STAB2: variants seen among roughly 807,000 people sequenced by gnomAD.
STAB2 encodes stabilin-2.
In STAB2, 288 loss-of-function variants were observed where a neutral mutation model predicts 338.1. The ratio of observed to expected loss-of-function variants is 0.85; its 90% CI spans 0.77 to 0.94. The LOEUF is 0.94. Among genes scored for constraint, STAB2 ranks in the 40% least tolerant of loss-of-function variants. The pLI is 0.00. For synonymous variants in STAB2, 1,202 were observed against 1,193.3 expected (o/e 1.01, Z -0.15); for missense variants, 3,141 against 3,210.1 (o/e 0.98, Z 0.52).
intron 30 of STAB2, among the ~76,000 whole-genome samples, chr12:103,692,593 GTC>G (rs1030150858): frequency 1.2e-4 from 18 of 149,676 alleles, no homozygotes; most frequent in East Asian, 4.0e-4. Flanking sequence ...CTCTCTCTCT[GTC>G]TCTGTGTGTG....
chr12:103,599,394 G>A (rs1409763781), intron 3 of STAB2, among the ~76,000 whole-genome samples: 1 of 152,158 alleles, frequency 6.6e-6, no homozygotes, highest in East Asian at 1.9e-4. Flanking sequence ...TCTGCCTGGG[G>A]TTGGTTCCAT....
intron 3 of STAB2, among the ~76,000 whole-genome samples, chr12:103,601,724 A>G (rs1956957317): frequency 6.6e-6 from 1 of 152,232 alleles, no homozygotes; most frequent in Non-Finnish European, 1.5e-5. Flanking sequence ...AACTATATTA[A>G]AACATTCAAA....
In STAB2 at chr12:103,662,520, C is replaced by T. The variant is rs966074523; in HGVS notation, c.1870-326C>T. ...TTCAAATGAATGGATCCCTATTTCACCAGAGAGAGGTCAAAGAATTTGCGC... is the reference window on the plus strand; with the variant it reads ...TTCAAATGAATGGATCCCTATTTCATCAGAGAGAGGTCAAAGAATTTGCGC... On this transcript the variant is annotated intron_variant, in intron 17 of 68. Transcript: ENST00000388887. Among the ~76,000 whole-genome samples the T allele has an allele frequency of 3.9e-5, 6 of 152,186 alleles. No individual in the cohort carries two copies. In the East Asian group the frequency reaches 9.6e-4, roughly 24 times the overall value.
At chr12:103,690,772 T>G (rs1252339749) in intron 30 of STAB2, among the ~76,000 whole-genome samples, 1 of 152,208 alleles carries the variant, frequency 6.6e-6, no homozygotes, top group Non-Finnish European at 1.5e-5. Flanking sequence ...GCCCACTGAT[T>G]GGCCACAAGT....
At chr12:103,708,975 G>C (rs1005098406) in intron 39 of STAB2, among the ~76,000 whole-genome samples, 7 of 152,110 alleles carry the variant, frequency 4.6e-5, no homozygotes, top group Non-Finnish European at 8.8e-5. Flanking sequence ...CTCAAACACT[G>C]CTACAATAAC....
intron 51 of STAB2, among the ~76,000 whole-genome samples, chr12:103,734,320 T>C (rs952462912): frequency 1.3e-5 from 2 of 150,870 alleles, no homozygotes; most frequent in African/African-American, 4.9e-5. Context: ...CGCGATCATA[T>C]GGGAGCAAGC....
chr12:103,765,282 T>G (rs755138591), intron 68 of STAB2, among the ~76,000 whole-genome samples: 6 of 152,162 alleles, frequency 3.9e-5, no homozygotes, highest in Middle Eastern at 3.4e-3. Flanking sequence ...CATGAAAGAT[T>G]TACCTGAGGC....
At chr12:103,703,086 C>A (rs1879045214) in intron 34 of STAB2, 62 bp from the exon 35 acceptor site, 4 of 1,561,730 alleles carry the variant, frequency 2.6e-6, no homozygotes, top group South Asian at 1.2e-5. Context: ...ACCTCCACTT[C>A]CTATCTTTTC....
At chr12:103,627,068 A>T (rs189978338) in intron 5 of STAB2, among the ~76,000 whole-genome samples, 1 of 152,240 alleles carries the variant, frequency 6.6e-6, no homozygotes, top group African/African-American at 2.4e-5. Flanking sequence ...CCTCACTATG[A>T]CTCTCCAAAG....
chr12:103,763,426 C>A, intron 67 of STAB2, 66 bp from the exon 68 acceptor site: 3 of 1,467,252 alleles, frequency 2.0e-6, no homozygotes, highest in Non-Finnish European at 2.8e-6. Context: ...GCTTTACCTG[C>A]CAACTTGGCT....
At chr12:103,701,977 T>TACACACACACACACACAC (rs71097990) in intron 34 of STAB2, among the ~76,000 whole-genome samples, 3 of 144,034 alleles carry the variant, frequency 2.1e-5, no homozygotes, top group Middle Eastern at 3.5e-3. Context: ...TCAGCCCTGC[T>TACACACACACACACACAC]ACACACACAC....
At chr12:103,765,842 GA>G (rs1236156338) in intron 68 of STAB2, among the ~76,000 whole-genome samples, 1 of 152,120 alleles carries the variant, frequency 6.6e-6, no homozygotes, top group Non-Finnish European at 1.5e-5. Flanking sequence ...ATGCCCGGCT[GA>G]GCGGGGTTTC....
At chr12:103,731,467 T>G (rs1443332776) in intron 49 of STAB2, 109 bp from the exon 50 acceptor site, 1 of 1,085,732 alleles carries the variant, frequency 9.2e-7, no homozygotes, top group Non-Finnish European at 1.3e-6. Flanking sequence ...AGCCCATCTA[T>G]GTATCCGTCA....
intron 11 of STAB2, among the ~76,000 whole-genome samples, chr12:103,651,124 G>A (rs59428471): frequency 0.015 from 2,332 of 152,192 alleles, 74 homozygotes; most frequent in African/African-American, 0.054. Context: ...TGGTGGAGGC[G>A]TCCTATCGAG....
chr12:103,609,452 G>A (rs1057490985), intron 3 of STAB2, among the ~76,000 whole-genome samples: 1 of 152,162 alleles, frequency 6.6e-6, no homozygotes, highest in Admixed American at 6.5e-5. Context: ...TGAAGCAATT[G>A]TGAATGGGAG....
chr12:103,761,600 G>A (rs1884546178), intron 66 of STAB2, among the ~76,000 whole-genome samples, 190 bp downstream of exon 66: 1 of 151,944 alleles, frequency 6.6e-6, no homozygotes, highest in South Asian at 2.1e-4. Flanking sequence ...CCACTCCCAA[G>A]CATTAGCAAC....
intron 43 of STAB2, among the ~76,000 whole-genome samples, chr12:103,717,527 C>T (rs1880415249): frequency 1.3e-5 from 2 of 152,204 alleles, no homozygotes; most frequent in African/African-American, 2.4e-5. Flanking sequence ...AGAAAAAAAA[C>T]GGTATCTTAG....
intron 2 of STAB2, among the ~76,000 whole-genome samples, chr12:103,591,907 T>G (rs1956804029): frequency 6.6e-6 from 1 of 152,234 alleles, no homozygotes; most frequent in Non-Finnish European, 1.5e-5. Context: ...AGAAATTAGA[T>G]AGTACTCAAT....
Position 103,713,652 on chromosome 12 carries a change from C to T in STAB2, c.4421C>T (p.Ala1474Val). Residue 1474 changes from alanine to valine, a missense_variant, in exon 42 of 69, where the codon GCC becomes GTC. Transcript: ENST00000388887. Reference protein sequence around the residue: ...GNGTICTAINACEISNGGCSA... With the variant: ...GNGTICTAINVCEISNGGCSA... ...GTGTCATCTTCTATAGCAATCAATGCCTGTGAGATCAGCAATGGAGGTTGC... is the reference window on the plus strand; with the variant it reads ...GTGTCATCTTCTATAGCAATCAATGTCTGTGAGATCAGCAATGGAGGTTGC... 6.2e-7 allele frequency: 1 copy of T among 1,613,896 alleles called. No homozygotes were observed.
Sources: gnomAD v4.1 joint callset for allele counts (sites outside exome capture counted in the v4.1 genomes callset) on GRCh38, gnomAD v4.1.1 for gene constraint, MANE v1.5 for transcripts, NCBI Gene and HGNC (gene_info 2026-07-23, HGNC 2026-07-21) for gene names.